DAPL1: variants seen among roughly 807,000 people sequenced by gnomAD.
DAPL1 encodes the protein death-associated protein-like 1.
A neutral mutation model predicts 12.9 loss-of-function variants in DAPL1; 17 were observed. The ratio of observed to expected loss-of-function variants is 1.32; its 90% CI spans 0.90 to 1.98. The LOEUF (loss-of-function observed/expected upper bound fraction) is 1.98. Among genes scored for constraint, DAPL1 ranks in the 30% most tolerant of loss-of-function variants. The probability of loss-of-function intolerance (pLI) is 0.00; values close to 1 mark genes in which losing one functional copy is unlikely to be tolerated. For missense variants in DAPL1, 157 were observed against 125.7 expected, an observed-to-expected ratio of 1.25 and a Z score of -1.19; for synonymous variants, 51 against 42.0, an observed-to-expected ratio of 1.21 and a Z score of -0.82.
intron 3 of DAPL1, among the ~76,000 whole-genome samples, chr2:158,813,019 A>G (rs1270279476): frequency 2.0e-5 from 3 of 151,878 alleles, no homozygotes; most frequent in Non-Finnish European, 4.4e-5. Flanking sequence ...AAAACGTGGT[A>G]TATATATATA....
At chr2:158,804,836 C>T (rs1329018990) in intron 2 of DAPL1, among the ~76,000 whole-genome samples, 1 of 152,224 alleles carries the variant, frequency 6.6e-6, no homozygotes, top group African/African-American at 2.4e-5. Flanking sequence ...GTAATGGCCA[C>T]TATATTTGGC....
intron 1 of DAPL1, among the ~76,000 whole-genome samples, chr2:158,799,606 C>T (rs771982675): frequency 2.0e-5 from 3 of 152,026 alleles, no homozygotes; most frequent in Non-Finnish European, 2.9e-5. Context: ...TAGTGACAGC[C>T]CAAATCTATA....
rs34266428 is a variant in DAPL1 at position 158,806,235 on chromosome 2, G to GAA, written c.147-810_147-809dup. Among the ~76,000 whole-genome samples the GAA allele has an allele frequency of 2.1e-4, 30 of 140,766 alleles. 4 individuals are homozygous for GAA. Among genetic ancestry groups the GAA allele is most frequent in the Non-Finnish European group, 3.1e-4 (20 of 63,536 alleles). 92.3% of individuals were successfully genotyped at this position (140,766 alleles called of 152,430 possible). A position where few individuals can be genotyped will look rare whatever the true frequency, so the allele number is the denominator to read the frequency against. On this transcript the variant is annotated intron_variant, in intron 2 of 3. Coordinates refer to ENST00000309950, the MANE Select transcript of DAPL1 (RefSeq NM_001017920.3). ...TCTACAAACCAACACAAACCATCCA[G>GAA]AAAAAAAAAAATATGCCAAGTGCAG...
At chr2:158,800,490 A>C (rs1292112075) in intron 1 of DAPL1, among the ~76,000 whole-genome samples, 1 of 152,130 alleles carries the variant, frequency 6.6e-6, no homozygotes, top group Non-Finnish European at 1.5e-5. Flanking sequence ...TGTCACCTCT[A>C]TTTTCTGACA....
chr2:158,799,405 A>G (rs1399120308), intron 1 of DAPL1, among the ~76,000 whole-genome samples: 1 of 152,144 alleles, frequency 6.6e-6, no homozygotes, highest in Non-Finnish European at 1.5e-5. Flanking sequence ...ATTTGGATAC[A>G]GTGAAACTTT....
intron 1 of DAPL1, among the ~76,000 whole-genome samples, chr2:158,802,328 A>G (rs1160966131): frequency 6.6e-6 from 1 of 152,220 alleles, no homozygotes; most frequent in Admixed American, 6.5e-5. Flanking sequence ...GCAAGAACCT[A>G]AAAGAGCCAG....
chr2:158,796,124 A>G (rs2059133127), intron 1 of DAPL1, among the ~76,000 whole-genome samples: 1 of 152,152 alleles, frequency 6.6e-6, no homozygotes. Flanking sequence ...GTACTTAACC[A>G]TATGTTCATA....
In DAPL1 at chr2:158,815,887, C is replaced by T. The variant is rs1484986654; in HGVS notation, c.*66C>T. 2.7e-6 allele frequency: 3 copies of T among 1,123,246 alleles called. No individual in the cohort carries two copies. Among genetic ancestry groups the T allele is most frequent in the African/African-American group, 3.0e-5 (2 of 65,604 alleles). The allele number at this position is 1,123,246 out of a possible 1,614,324, so 69.6% of individuals were successfully genotyped here. ...ATATCTGACAGCTTAGCAAAAAGGG[C>T]CAAAGCTTTCCATAGGCGTGCTGCA... is the stretch of plus-strand genomic sequence containing the variant. On this transcript the variant is annotated 3_prime_UTR_variant, in exon 4 of 4. Transcript: ENST00000309950.
intron 2 of DAPL1, among the ~76,000 whole-genome samples, chr2:158,805,518 A>G (rs2059196366): frequency 8.2e-6 from 1 of 122,506 alleles, no homozygotes; most frequent in Admixed American, 8.2e-5. Context: ...TTTGAGACCT[A>G]TTCATTCTGT....
intron 1 of DAPL1, among the ~76,000 whole-genome samples, chr2:158,796,237 T>C (rs2059133850): frequency 6.6e-6 from 1 of 152,212 alleles, no homozygotes; most frequent in African/African-American, 2.4e-5. Flanking sequence ...CTTGACTGCT[T>C]TGTTCTTGCC....
chr2:158,796,589 G>A lies in DAPL1; in HGVS notation c.58+1159G>A, dbSNP rs115881997. ...TCAGGAAGTATATATGCAAATCATTGGAAGACAGGCTCCTTACATAGACAA... is the reference window on the plus strand; with the variant it reads ...TCAGGAAGTATATATGCAAATCATTAGAAGACAGGCTCCTTACATAGACAA... On this transcript the variant is annotated intron_variant, in intron 1 of 3. Coordinates refer to ENST00000309950, the MANE Select transcript of DAPL1 (RefSeq NM_001017920.3). Among the ~76,000 whole-genome samples, 545 of 152,152 alleles carry A rather than the reference G, an allele frequency of 3.6e-3. 5 individuals carry two copies. The highest frequency in any genetic ancestry group is 0.012 in the African/African-American group (510 of 41,484).
Position 158,812,536 on chromosome 2 carries a change from A to T in DAPL1, c.208-3169A>T, listed in dbSNP as rs2102749. Reference sequence around the variant, plus strand: ...AGGCTGGACGCAGTGGCTCATAACTAGAATCCTAGCACTTTGGGAGGCCAA... The same window carrying T: ...AGGCTGGACGCAGTGGCTCATAACTTGAATCCTAGCACTTTGGGAGGCCAA... On this transcript the variant is annotated intron_variant, in intron 3 of 3. Transcript: ENST00000309950. Among the ~76,000 whole-genome samples the T allele has an allele frequency of 2.1e-3, 320 of 152,248 alleles. 2 individuals are homozygous for T. Among genetic ancestry groups the T allele is most frequent in the African/African-American group, 7.4e-3 (306 of 41,540 alleles).
At position 158,815,947 on chromosome 2, in the gene DAPL1, C is replaced by T; in HGVS notation, c.*126C>T. ...TAAATTAAGCAGCTTTTGTATCTTCCCCTTTGACTTTAGGTAATAAAGCAT... is the reference window on the plus strand; with the variant it reads ...TAAATTAAGCAGCTTTTGTATCTTCTCCTTTGACTTTAGGTAATAAAGCAT... On this transcript the variant is annotated 3_prime_UTR_variant, in exon 4 of 4. Coordinates refer to ENST00000309950, the MANE Select transcript of DAPL1 (RefSeq NM_001017920.3). 2 of 686,220 alleles carry T rather than the reference C, an allele frequency of 2.9e-6. No homozygotes were observed. Among genetic ancestry groups the T allele is most frequent in the Admixed American group, 4.5e-5 (2 of 44,462 alleles). 42.5% of individuals were successfully genotyped at this position (686,220 alleles called of 1,614,324 possible).
chr2:158,799,655 G>A lies in DAPL1; in HGVS notation c.58+4225G>A, dbSNP rs182154450. ...CTGTAGTCTAGGGATATTATCTTCC[G>A]CTTCTTTCTACTGTACATAGATGAC... is the stretch of plus-strand genomic sequence containing the variant. On this transcript the variant is annotated intron_variant, in intron 1 of 3. Coordinates refer to ENST00000309950, the MANE Select transcript of DAPL1 (RefSeq NM_001017920.3). Among the ~76,000 whole-genome samples, 128 of 152,062 alleles carry A rather than the reference G, an allele frequency of 8.4e-4. 3 individuals are homozygous for A. The South Asian group carries it at 0.015, about 18-fold the overall frequency.
intron 3 of DAPL1, among the ~76,000 whole-genome samples, chr2:158,809,704 A>G (rs1252621462): frequency 1.3e-5 from 2 of 152,196 alleles, no homozygotes; most frequent in Admixed American, 6.5e-5. Flanking sequence ...TCAGCAAGTG[A>G]TATCTTCTGT....
rs1033557667 is a variant in DAPL1 at position 158,799,387 on chromosome 2, A to G, written c.58+3957A>G. On this transcript the variant is annotated intron_variant, in intron 1 of 3. Coordinates refer to ENST00000309950, the MANE Select transcript of DAPL1 (RefSeq NM_001017920.3). ...GTTACGTAAAGGATTACAAACTTAA[A>G]TGGATCGATTTGGATACAGTGAAAC... is the stretch of plus-strand genomic sequence containing the variant. Among the ~76,000 whole-genome samples, 3 of 152,156 alleles carry G rather than the reference A, an allele frequency of 2.0e-5. 1 individual carries two copies. Among genetic ancestry groups the G allele is most frequent in the Non-Finnish European group, 4.4e-5 (3 of 68,036 alleles).
chr2:158,798,540 A>G (rs1279206242), intron 1 of DAPL1, among the ~76,000 whole-genome samples: 5 of 152,310 alleles, frequency 3.3e-5, no homozygotes, highest in Non-Finnish European at 5.9e-5. Flanking sequence ...CAGCAAAGAG[A>G]CTTCTAGACG....
intron 3 of DAPL1, among the ~76,000 whole-genome samples, chr2:158,812,634 A>G (rs929629451): frequency 2.0e-5 from 3 of 152,078 alleles, no homozygotes; most frequent in Non-Finnish European, 2.9e-5. Context: ...TGTCTACTAA[A>G]AATATAAAAA....
In DAPL1 at chr2:158,795,442, C is replaced by A. The variant is rs750694394; in HGVS notation, c.58+12C>A. ...ACATCCTCCTGCAGGTAGGCTGCCA[C>A]CTGCCCTCAGTCCTGCAGGCTGTTG... is the stretch of plus-strand genomic sequence containing the variant. On this transcript the variant is annotated intron_variant, in intron 1 of 3. Transcript: ENST00000309950. 4.5e-6 allele frequency: 7 copies of A among 1,553,776 alleles called. No homozygotes were observed. The highest frequency in any genetic ancestry group is 6.1e-6 in the Non-Finnish European group (7 of 1,148,156).
Sources: gnomAD v4.1 joint callset for allele counts (sites outside exome capture counted in the v4.1 genomes callset) on GRCh38, gnomAD v4.1.1 for gene constraint, MANE v1.5 for transcripts, NCBI Gene and HGNC (gene_info 2026-07-23, HGNC 2026-07-21) for gene names.